RAB28: variants seen among roughly 807,000 people sequenced by gnomAD.
RAB28 encodes the protein RAB28, member RAS oncogene family, also known as ras-related protein Rab-28.
RAB28 carries 24 observed loss-of-function variants against 31.7 expected under a neutral mutation model. The observed-to-expected ratio is 0.76, with a 90% CI of 0.55 to 1.06. RAB28 has a LOEUF of 1.06. Ranked by LOEUF, RAB28 falls within the 50% of genes least tolerant of loss-of-function variation. The pLI, the probability that RAB28 is intolerant of heterozygous loss-of-function variation, is 0.00. For missense variants in RAB28, 254 were observed against 258.5 expected, an observed-to-expected ratio of 0.98 and a Z score of 0.12; for synonymous variants, 100 against 90.4, an observed-to-expected ratio of 1.11 and a Z score of -0.60.
chr4:13,480,531 G>C (rs1716563122), intron 1 of RAB28, among the ~76,000 whole-genome samples: 1 of 151,746 alleles, frequency 6.6e-6, no homozygotes, highest in African/African-American at 2.4e-5. Context: ...GCTTATTACA[G>C]TTCCTTATGA....
At chr4:13,445,235 T>C (rs1468032130) in intron 4 of RAB28, among the ~76,000 whole-genome samples, 1 of 152,006 alleles carries the variant, frequency 6.6e-6, no homozygotes, top group Non-Finnish European at 1.5e-5. Flanking sequence ...ATCAGGTCTT[T>C]AATGTTCCTA....
intron 4 of RAB28, among the ~76,000 whole-genome samples, chr4:13,441,031 A>G (rs902478795): frequency 3.9e-5 from 6 of 152,014 alleles, no homozygotes; most frequent in African/African-American, 1.5e-4. Context: ...ATAAGTGGGA[A>G]GGAAGGAAAA....
intron 3 of RAB28, among the ~76,000 whole-genome samples, chr4:13,471,189 C>T (rs1158529620): frequency 6.6e-6 from 1 of 151,980 alleles, no homozygotes; most frequent in Admixed American, 6.6e-5. Context: ...CCAAAGTATT[C>T]ATGAGATAGG....
chr4:13,454,214 T>TA (rs1334374379), intron 4 of RAB28, among the ~76,000 whole-genome samples: 1 of 152,192 alleles, frequency 6.6e-6, no homozygotes, highest in Non-Finnish European at 1.5e-5. Flanking sequence ...ATCTCTCTGT[T>TA]AAATTCCTCA....
intron 4 of RAB28, among the ~76,000 whole-genome samples, chr4:13,401,939 C>T (rs1159233950): frequency 6.6e-6 from 1 of 152,208 alleles, no homozygotes; most frequent in African/African-American, 2.4e-5. Flanking sequence ...ACTGCATTGG[C>T]AGCATGCCAT....
In RAB28 at chr4:13,432,351, A is replaced by C. The variant is rs1465172994; in HGVS notation, c.391+28348T>G. Among the ~76,000 whole-genome samples, 9 of 152,156 alleles carry C rather than the reference A, an allele frequency of 5.9e-5. 1 individual carries two copies. The highest frequency in any genetic ancestry group is 1.2e-4 in the Non-Finnish European group (8 of 68,038). On this transcript the variant is annotated intron_variant, in intron 4 of 6. Transcript: ENST00000330852. ...GAGAGAGAAAAAGAAAAAGTAAGAA[A>C]CTTAGAAAACATACTTAAGGAAATT...
At chr4:13,455,164 C>T (rs1023898889) in intron 4 of RAB28, among the ~76,000 whole-genome samples, 3 of 152,186 alleles carry the variant, frequency 2.0e-5, no homozygotes, top group Admixed American at 6.5e-5. Context: ...CACACAGATG[C>T]TCGGTCAGCC....
chr4:13,441,322 C>A (rs1714403220), intron 4 of RAB28, among the ~76,000 whole-genome samples: 1 of 152,126 alleles, frequency 6.6e-6, no homozygotes, highest in Admixed American at 6.6e-5. Flanking sequence ...CCTAAAGAAT[C>A]ACTCGATTTA....
intron 5 of RAB28, among the ~76,000 whole-genome samples, chr4:13,379,918 C>T (rs1161443109): frequency 6.6e-6 from 1 of 151,738 alleles, no homozygotes; most frequent in Non-Finnish European, 1.5e-5. Context: ...TTCAAAGTAC[C>T]ACTTAAAAAA....
At chr4:13,394,285 G>A (rs1321809032) in intron 4 of RAB28, among the ~76,000 whole-genome samples, 1 of 152,096 alleles carries the variant, frequency 6.6e-6, no homozygotes, top group Non-Finnish European at 1.5e-5. Context: ...TAGTAGGGGG[G>A]CATAATTTTG....
At chr4:13,438,926 C>T (rs111785236) in intron 4 of RAB28, among the ~76,000 whole-genome samples, 19 of 152,148 alleles carry the variant, frequency 1.2e-4, no homozygotes, top group African/African-American at 4.6e-4. Flanking sequence ...TATCCACAGC[C>T]TCACCAGCAC....
intron 3 of RAB28, among the ~76,000 whole-genome samples, chr4:13,461,540 T>G (rs1196185879): frequency 6.6e-6 from 1 of 152,188 alleles, no homozygotes; most frequent in Non-Finnish European, 1.5e-5. Context: ...CATATAGTTT[T>G]TTGACATCCT....
At chr4:13,368,727 T>C in intron 6 of RAB28, 77 bp from the exon 7 acceptor site, 2 of 1,296,780 alleles carry the variant, frequency 1.5e-6, no homozygotes, top group Non-Finnish European at 2.1e-6. Flanking sequence ...TATTTTTATT[T>C]TCTGAACTTT....
intron 4 of RAB28, among the ~76,000 whole-genome samples, chr4:13,399,279 T>C (rs1207277619): frequency 6.6e-6 from 1 of 152,226 alleles, no homozygotes; most frequent in Non-Finnish European, 1.5e-5. Context: ...GTATATACAG[T>C]TCATGCATTT....
chr4:13,400,603 G>T (rs1169940693), intron 4 of RAB28, among the ~76,000 whole-genome samples: 1 of 152,102 alleles, frequency 6.6e-6, no homozygotes, highest in African/African-American at 2.4e-5. Context: ...GTGTTGAATA[G>T]GAGAGGTGGA....
At chr4:13,401,314 T>C (rs1385033356) in intron 4 of RAB28, among the ~76,000 whole-genome samples, 1 of 152,108 alleles carries the variant, frequency 6.6e-6, no homozygotes, top group African/African-American at 2.4e-5. Context: ...TTTAAAGGAA[T>C]TTGTTCATTT....
chr4:13,472,860 C>G (rs556071152), intron 3 of RAB28, among the ~76,000 whole-genome samples: 1 of 117,456 alleles, frequency 8.5e-6, no homozygotes, highest in Admixed American at 8.9e-5. Flanking sequence ...ACAAAAAAGC[C>G]ATACACAAAA....
chr4:13,409,512 C>G (rs901188035), intron 4 of RAB28, among the ~76,000 whole-genome samples: 4 of 152,270 alleles, frequency 2.6e-5, no homozygotes, highest in Admixed American at 2.6e-4. Context: ...CACTGGAGAG[C>G]TGCACAAGCA....
chr4:13,405,095 T>C (rs1192902823), intron 4 of RAB28, among the ~76,000 whole-genome samples: 4 of 152,166 alleles, frequency 2.6e-5, no homozygotes, highest in African/African-American at 9.7e-5. Context: ...AAACCCATAC[T>C]TGAGAAGTAA....
Sources: gnomAD v4.1 joint callset for allele counts (sites outside exome capture counted in the v4.1 genomes callset) on GRCh38, gnomAD v4.1.1 for gene constraint, MANE v1.5 for transcripts, NCBI Gene and HGNC (gene_info 2026-07-23, HGNC 2026-07-21) for gene names.